Variants in XYLB observed in about 807,000 individuals in gnomAD.
The protein encoded by XYLB is xylulokinase, also known as xylulose kinase.
Under a neutral mutation model 78.7 loss-of-function variants are expected in XYLB, and 62 were observed. That is an observed-to-expected ratio of 0.79 (90% CI 0.64 to 0.97). XYLB has a LOEUF of 0.97. Among genes scored for constraint, XYLB ranks in the 50% least tolerant of loss-of-function variants. The pLI is 0.00. For synonymous variants in XYLB, 245 were observed against 247.4 expected (o/e 0.99, Z 0.09); for missense variants, 687 against 676.8 (o/e 1.02, Z -0.17).
intron 14 of XYLB, among the ~76,000 whole-genome samples, chr3:38,378,043 TG>T (rs1022927946): frequency 9.9e-5 from 15 of 152,108 alleles, no homozygotes; most frequent in Non-Finnish European, 1.9e-4. Flanking sequence ...CCCCAGTAAA[TG>T]GGGGGTTTAT....
intron 18 of XYLB, among the ~76,000 whole-genome samples, chr3:38,411,800 T>A (rs1304759108): frequency 6.6e-6 from 1 of 152,088 alleles, no homozygotes; most frequent in Non-Finnish European, 1.5e-5. Context: ...CTTGGGAAAC[T>A]GCATCTGAAC....
At chr3:38,360,228 G>T in intron 2 of XYLB, 111 bp from the exon 3 acceptor site, 1 of 1,032,732 alleles carries the variant, frequency 9.7e-7, no homozygotes, top group African/African-American at 1.6e-5. Context: ...GTTGGGGAAG[G>T]TTCTCCTTCA....
intron 2 of XYLB, among the ~76,000 whole-genome samples, chr3:38,358,085 T>A (rs562058609): frequency 6.6e-6 from 1 of 151,168 alleles, no homozygotes; most frequent in Non-Finnish European, 1.5e-5. Flanking sequence ...TGTGCTTTGG[T>A]GCAGTATTGG....
At chr3:38,348,742 T>G (rs1331746449) in intron 2 of XYLB, 110 bp downstream of exon 2, 1 of 970,442 alleles carries the variant, frequency 1.0e-6, no homozygotes, top group Non-Finnish European at 1.6e-6. Context: ...AATACAGGAG[T>G]GGTGGTCTCG....
the XYLB span, among the ~76,000 whole-genome samples, chr3:38,427,062 T>G: frequency 0.42 from 64,208 of 152,178 alleles, 15,784 homozygotes; most frequent in Non-Finnish European, 0.56. Flanking sequence ...TGCTTTTAGC[T>G]AATCTACAAT....
chr3:38,393,791 C>T (rs1274250185), intron 15 of XYLB, among the ~76,000 whole-genome samples: 2 of 152,090 alleles, frequency 1.3e-5, no homozygotes, highest in Non-Finnish European at 2.9e-5. Context: ...TTAGGGCCCA[C>T]CCCTAATGAC....
intron 13 of XYLB, among the ~76,000 whole-genome samples, 199 bp downstream of exon 13, chr3:38,376,431 G>C (rs1157777299): frequency 6.6e-6 from 1 of 152,194 alleles, no homozygotes; most frequent in Non-Finnish European, 1.5e-5. Context: ...GGGCTGTAAG[G>C]CTGTCCTTGG....
chr3:38,362,745 C>G (rs1706041154), intron 3 of XYLB, among the ~76,000 whole-genome samples, 192 bp from the exon 4 acceptor site: 1 of 152,100 alleles, frequency 6.6e-6, no homozygotes, highest in African/African-American at 2.4e-5. Flanking sequence ...CATAGTTGAC[C>G]TTTTTATTTG....
At chr3:38,384,557 A>T (rs1707297957) in intron 15 of XYLB, among the ~76,000 whole-genome samples, 1 of 152,250 alleles carries the variant, frequency 6.6e-6, no homozygotes, top group South Asian at 2.1e-4. Flanking sequence ...GATGGAAAGC[A>T]GCAGGTCTTA....
At chr3:38,376,633 C>A (rs1019621893) in intron 13 of XYLB, among the ~76,000 whole-genome samples, 11 of 152,186 alleles carry the variant, frequency 7.2e-5, no homozygotes, top group Admixed American at 7.2e-4. Context: ...CTTGGTCAAA[C>A]CTGTTTTGAT....
the XYLB span, among the ~76,000 whole-genome samples, chr3:38,449,948 AGGGGCGG>A: frequency 6.6e-6 from 1 of 152,212 alleles, no homozygotes; most frequent in Non-Finnish European, 1.5e-5. Context: ...GTTAAGAGAA[AGGGGCGG>A]GGAAAGTACG....
At chr3:38,440,468 A>G in the XYLB span, among the ~76,000 whole-genome samples, 1 of 152,110 alleles carries the variant, frequency 6.6e-6, no homozygotes, top group African/African-American at 2.4e-5. Context: ...CTGAATACCC[A>G]TTGTGTCTTT....
chr3:38,359,442 G>A (rs2125567935), intron 2 of XYLB, among the ~76,000 whole-genome samples: 1 of 152,174 alleles, frequency 6.6e-6, no homozygotes, highest in Admixed American at 6.5e-5. Flanking sequence ...GCCTGTTTAT[G>A]ACAGGCTTAG....
the XYLB span, among the ~76,000 whole-genome samples, chr3:38,447,579 A>G: frequency 6.8e-6 from 1 of 147,778 alleles, no homozygotes; most frequent in African/African-American, 2.5e-5. Flanking sequence ...TCGGCCTCCC[A>G]TAATGCTGGG....
At chr3:38,423,220 C>T (rs1709033637), downstream of XYLB, among the ~76,000 whole-genome samples, 1 of 152,034 alleles carries the variant, frequency 6.6e-6, no homozygotes, top group Admixed American at 6.6e-5. Context: ...CTATAGGCGC[C>T]CACCACCACG....
chr3:38,424,237 A>G (rs1709058353), downstream of XYLB, among the ~76,000 whole-genome samples: 1 of 152,174 alleles, frequency 6.6e-6, no homozygotes, highest in African/African-American at 2.4e-5. Flanking sequence ...ATCTTGTAGA[A>G]TGGCTTTTTC....
intron 15 of XYLB, 43 bp downstream of exon 15, chr3:38,379,385 AGGG>A: frequency 6.3e-7 from 1 of 1,597,166 alleles, no homozygotes; most frequent in Admixed American, 1.7e-5. Flanking sequence ...GTGGGGGCTC[AGGG>A]CCAGCTCACT....
chr3:38,366,741 C>A (rs1451682743), intron 6 of XYLB, 67 bp from the exon 7 acceptor site: 1 of 1,143,198 alleles, frequency 8.7e-7, no homozygotes, highest in Non-Finnish European at 1.3e-6. Flanking sequence ...ATTAAACTCA[C>A]TTTGTGGAGG....
intron 18 of XYLB, among the ~76,000 whole-genome samples, chr3:38,412,085 G>C (rs1363872295): frequency 6.6e-6 from 1 of 151,700 alleles, no homozygotes; most frequent in South Asian, 2.1e-4. Flanking sequence ...CCGGCTCCCA[G>C]GTTCAAGTGA....
Sources: allele counts gnomAD v4.1 joint callset (sites outside exome capture counted in the v4.1 genomes callset), GRCh38; gene constraint gnomAD v4.1.1; transcripts MANE v1.5; gene names NCBI Gene and HGNC (gene_info 2026-07-23, HGNC 2026-07-21).